Variants in PCDHGA10 observed in about 807,000 individuals in gnomAD.
PCDHGA10 encodes protocadherin gamma subfamily A, 10, also known as protocadherin gamma-A10.
Under a neutral mutation model 59.5 loss-of-function variants are expected in PCDHGA10, and 42 were observed. The observed-to-expected ratio is 0.71, with a 90% CI of 0.55 to 0.91. The LOEUF (loss-of-function observed/expected upper bound fraction) is 0.91, where lower values mean the gene tolerates loss of function less well. Ranked by LOEUF, PCDHGA10 falls within the 40% of genes least tolerant of loss-of-function variation. The pLI is 0.00. For synonymous variants in PCDHGA10, 511 were observed against 517.2 expected (o/e 0.99, Z 0.16); for missense variants, 1,111 against 1,198.2 (o/e 0.93, Z 1.07).
rs1386737349 is a variant in PCDHGA10 at position 141,486,423 on chromosome 5, C to T, written c.2437-8384C>T. The T allele has an allele frequency of 6.2e-7, 1 of 1,614,042 alleles. No individual in the cohort carries two copies. The highest frequency in any genetic ancestry group is 8.5e-7 in the Non-Finnish European group (1 of 1,180,030). ...ACTGCTGGACCCTTGGATCGAGAGG[C>T]CAAATCTAGCTATGACATCATGGTC... is the stretch of plus-strand genomic sequence containing the variant. On this transcript the variant is annotated intron_variant, in intron 1 of 3. Transcript: ENST00000398610. The surrounding 1 kb of genome is among the most constrained non-coding windows in gnomAD (Gnocchi z 5.0).
rs754728562 is a variant in PCDHGA10, at chr5:141,489,487, G to A, written c.2437-5320G>A. 6.2e-7 allele frequency: 1 copy of A among 1,613,942 alleles called. No individual in the cohort carries two copies. On this transcript the variant is annotated intron_variant, in intron 1 of 3. Coordinates refer to ENST00000398610, the MANE Select transcript of PCDHGA10 (RefSeq NM_018913.3). This position sits in a 1 kb window ranked among gnomAD's most constrained non-coding sequence, Gnocchi z 4.5. The stretch of plus-strand genomic sequence containing the variant: ...TTTTTCCCTGAGCTTGATGAGTGGT[G>A]CCCTGGCAGTGAATCAAAAGATTGA...
chr5:141,437,512 G>A (rs1201910374), intron 1 of PCDHGA10, among the ~76,000 whole-genome samples: 2 of 152,144 alleles, frequency 1.3e-5, no homozygotes, highest in African/African-American at 2.4e-5. Flanking sequence ...TGAATTATAA[G>A]GCTGATGACA....
At chr5:141,422,465 G>A in intron 1 of PCDHGA10, 1 of 1,613,508 alleles carries the variant, frequency 6.2e-7, no homozygotes, top group Non-Finnish European at 8.5e-7. Flanking sequence ...GTGCTGGACA[G>A]GGAGTTGGTC....
At position 141,470,884 on chromosome 5, in the gene PCDHGA10, G is replaced by T. The variant is rs2099243316; in HGVS notation, c.2437-23923G>T. 3.3e-5 allele frequency among the ~76,000 whole-genome samples: 5 copies of T among 151,648 alleles called. No individual in the cohort carries two copies. In the South Asian group the frequency reaches 1.0e-3, roughly 32 times the overall value. On this transcript the variant is annotated intron_variant, in intron 1 of 3. Coordinates refer to ENST00000398610, the MANE Select transcript of PCDHGA10 (RefSeq NM_018913.3). ...TTTGTTTGTTTGTTTTTTTGTTTTT[G>T]TTTTTGTTTTTTGTAGAGATGGGAC...
intron 1 of PCDHGA10, among the ~76,000 whole-genome samples, chr5:141,450,013 T>A (rs1178482524): frequency 7.4e-6 from 1 of 135,940 alleles, no homozygotes; most frequent in African/African-American, 3.2e-5. Flanking sequence ...TCTCTTTTTT[T>A]TTTTTTTTTT....
At position 141,468,868 on chromosome 5, in the gene PCDHGA10, A is replaced by AAAT. The variant is rs993655754; in HGVS notation, c.2437-25921_2437-25919dup. Among the ~76,000 whole-genome samples, 30 of 151,912 alleles carry AAAT rather than the reference A, an allele frequency of 2.0e-4. No homozygotes were observed. The East Asian group carries it at 4.3e-3, about 22-fold the overall frequency. On this transcript the variant is annotated intron_variant, in intron 1 of 3. Coordinates refer to ENST00000398610, the MANE Select transcript of PCDHGA10 (RefSeq NM_018913.3). ...GCAACAGAGCGAGACTCCATCTCAAAAATAATAATAATAATAATAAGGTAC... is the reference window on the plus strand; with the variant it reads ...GCAACAGAGCGAGACTCCATCTCAAAAATAATAATAATAATAATAATAAGGTAC...
Position 141,413,112 on chromosome 5 carries a change from G to A in PCDHGA10, c.-64G>A, listed in dbSNP as rs1589839162. ...CACCCTGAAGCCACAGAAAGACAAA[G>A]GAACCGGTTGAAACACACAACGTGT... On this transcript the variant is annotated 5_prime_UTR_variant, in exon 1 of 4. Coordinates refer to ENST00000398610, the MANE Select transcript of PCDHGA10 (RefSeq NM_018913.3). 1 of 1,502,662 alleles carries A rather than the reference G, an allele frequency of 6.7e-7. No homozygotes were observed. The highest frequency in any genetic ancestry group is 2.3e-5 in the East Asian group (1 of 43,884). 93.1% of individuals were successfully genotyped at this position (1,502,662 alleles called of 1,614,324 possible). A position where few individuals can be genotyped will look rare whatever the true frequency, so the allele number is the denominator to read the frequency against.
Position 141,414,578 on chromosome 5 carries a change from A to G in PCDHGA10, c.1403A>G (p.Asn468Ser). The G allele has an allele frequency of 6.2e-7, 1 of 1,613,960 alleles. No individual in the cohort carries two copies. The highest frequency in any genetic ancestry group is 8.5e-7 in the Non-Finnish European group (1 of 1,179,882). The change falls in exon 1 of 4, where the codon AAC becomes AGC. Residue 468 changes from asparagine to serine, a missense_variant. Coordinates refer to ENST00000398610, the MANE Select transcript of PCDHGA10 (RefSeq NM_018913.3). Reference sequence around the variant, plus strand: ...TCCTACTTTACCTATATCCCAGAGAACAACGCCAGGGGTGCCTCCATCTTC... The same window carrying G: ...TCCTACTTTACCTATATCCCAGAGAGCAACGCCAGGGGTGCCTCCATCTTC... ...QVSYFTYIPE[N>S]NARGASIFSV...
rs980196319 is a variant in PCDHGA10 at position 141,511,604 on chromosome 5, A to C, written c.*431A>C. 3 of 248,420 alleles carry C rather than the reference A, an allele frequency of 1.2e-5. No individual in the cohort carries two copies. Among genetic ancestry groups the C allele is most frequent in the African/African-American group, 6.6e-5 (3 of 45,596 alleles). The allele number at this position is 248,420 out of a possible 1,614,324, so 15.4% of individuals were successfully genotyped here. Reference sequence around the variant, plus strand: ...GGTGTTGAAGTACCAAGTAACCTACAAGCCTCCTAGTTCTGAAAAGTTGGA... The same window carrying C: ...GGTGTTGAAGTACCAAGTAACCTACCAGCCTCCTAGTTCTGAAAAGTTGGA... On this transcript the variant is annotated 3_prime_UTR_variant, in exon 4 of 4. Coordinates refer to ENST00000398610, the MANE Select transcript of PCDHGA10 (RefSeq NM_018913.3).
intron 1 of PCDHGA10, chr5:141,422,075 G>A (rs1192481253): frequency 1.9e-6 from 3 of 1,612,092 alleles, no homozygotes; most frequent in East Asian, 2.2e-5. Flanking sequence ...TATTCATTTC[G>A]GAACATGGAA....
At chr5:141,447,023 G>GTT (rs5871773) in intron 1 of PCDHGA10, among the ~76,000 whole-genome samples, 2,010 of 151,524 alleles carry the variant, frequency 0.013, 40 homozygotes, top group African/African-American at 0.047. Context: ...GTTTTGTTTT[G>GTT]TTTTTTTTCT....
chr5:141,508,790 C>T (rs1181979966), intron 3 of PCDHGA10, among the ~76,000 whole-genome samples: 1 of 152,072 alleles, frequency 6.6e-6, no homozygotes, highest in African/African-American at 2.4e-5. Flanking sequence ...CCCTAAATCA[C>T]TCTGGAATCC....
intron 1 of PCDHGA10, among the ~76,000 whole-genome samples, chr5:141,468,281 C>T (rs568875291): frequency 6.8e-6 from 1 of 147,354 alleles, no homozygotes; most frequent in African/African-American, 2.5e-5. Flanking sequence ...GCCGAGACCA[C>T]GCCATTGCAC....
At chr5:141,437,042 A>G (rs1355358776) in intron 1 of PCDHGA10, among the ~76,000 whole-genome samples, 1 of 152,264 alleles carries the variant, frequency 6.6e-6, no homozygotes, top group Non-Finnish European at 1.5e-5. Context: ...CACCGAAACC[A>G]GAAGGCTGGT....
At position 141,447,650 on chromosome 5, in the gene PCDHGA10, T is replaced by C. The variant is rs555134653; in HGVS notation, c.2436+32039T>C. Reference sequence around the variant, plus strand: ...AACAGTATGAATGATGGTAGAATTTTCCCCCCCAGGAAGTTAGAACTGTTC... The same window carrying C: ...AACAGTATGAATGATGGTAGAATTTCCCCCCCCAGGAAGTTAGAACTGTTC... On this transcript the variant is annotated intron_variant, in intron 1 of 3. Transcript: ENST00000398610. Among the ~76,000 whole-genome samples, 24 of 152,106 alleles carry C rather than the reference T, an allele frequency of 1.6e-4. No homozygotes were observed. The South Asian group carries it at 2.3e-3, about 15-fold the overall frequency.
intron 1 of PCDHGA10, among the ~76,000 whole-genome samples, chr5:141,459,312 G>A (rs968359414): frequency 6.6e-6 from 1 of 152,084 alleles, no homozygotes; most frequent in African/African-American, 2.4e-5. Flanking sequence ...ATACTATTTT[G>A]TATCCATCTT....
intron 1 of PCDHGA10, chr5:141,478,581 T>C: frequency 6.3e-7 from 1 of 1,580,158 alleles, no homozygotes; most frequent in Non-Finnish European, 8.6e-7. Flanking sequence ...ACCCTGTTAG[T>C]GCTTTTTTAT....
chr5:141,469,394 G>A lies in PCDHGA10; in HGVS notation c.2437-25413G>A, dbSNP rs550152670. Among the ~76,000 whole-genome samples the A allele has an allele frequency of 2.5e-4, 38 of 152,198 alleles. 1 individual carries two copies. The highest frequency in any genetic ancestry group is 8.4e-4 in the African/African-American group (35 of 41,514). On this transcript the variant is annotated intron_variant, in intron 1 of 3. Coordinates refer to ENST00000398610, the MANE Select transcript of PCDHGA10 (RefSeq NM_018913.3). ...GATCGAGACCATCCTGGCCAACATG[G>A]TGAAACCCCGTTTCTACTAAAAATA...
At chr5:141,488,268 C>T (rs1371050827) in intron 1 of PCDHGA10, among the ~76,000 whole-genome samples, 1 of 152,170 alleles carries the variant, frequency 6.6e-6, no homozygotes, top group East Asian at 1.9e-4. Context: ...GCGGGTTGGT[C>T]ATCACCTTTG....
Sources: gnomAD v4.1 joint callset for allele counts (sites outside exome capture counted in the v4.1 genomes callset) on GRCh38, gnomAD v4.1.1 for gene constraint, Gnocchi (gnomAD v3.1) non-coding constraint, MANE v1.5 for transcripts, NCBI Gene and HGNC (gene_info 2026-07-23, HGNC 2026-07-21) for gene names.